HS6ST1: variants seen among roughly 807,000 people sequenced by gnomAD.
The protein encoded by HS6ST1 is heparan sulfate 6-O-sulfotransferase 1, also known as heparan-sulfate 6-O-sulfotransferase 1.
In HS6ST1, 3 loss-of-function variants were observed where a neutral mutation model predicts 25.2. That is an observed-to-expected ratio of 0.12 (90% confidence interval 0.05 to 0.31). The LOEUF (loss-of-function observed/expected upper bound fraction) is 0.31. Ranked by LOEUF, HS6ST1 falls within the 10% of genes least tolerant of loss-of-function variation. The probability of loss-of-function intolerance (pLI) is 1.00; values close to 1 mark genes in which losing one functional copy is unlikely to be tolerated. For missense variants in HS6ST1, 310 were observed against 609.6 expected (o/e 0.51, Z 5.18); for synonymous variants, 204 against 275.1 (o/e 0.74, Z 2.56).
rs115523479 is a variant in HS6ST1 at position 128,277,794 on chromosome 2, C to T, written c.528-8924G>A. On this transcript the variant is annotated intron_variant, in intron 1 of 1. Transcript: ENST00000259241. Reference sequence around the variant, plus strand: ...ATGAAGCATGAAACATCAAAGAACTCGAAATGCGCTATGAAATAATTCTAG... The same window carrying T: ...ATGAAGCATGAAACATCAAAGAACTTGAAATGCGCTATGAAATAATTCTAG... Among the ~76,000 whole-genome samples, 764 of 152,360 alleles carry T rather than the reference C, an allele frequency of 5.0e-3. 8 individuals carry two copies. The highest frequency in any genetic ancestry group is 0.017 in the African/African-American group (693 of 41,582).
intron 1 of HS6ST1, among the ~76,000 whole-genome samples, chr2:128,284,400 C>T (rs968441550): frequency 1.3e-5 from 2 of 152,130 alleles, no homozygotes; most frequent in Non-Finnish European, 2.9e-5. Flanking sequence ...TCCCACATTA[C>T]ACCCATGGGC....
chr2:128,293,890 C>T (rs993234617), intron 1 of HS6ST1, among the ~76,000 whole-genome samples: 10 of 152,210 alleles, frequency 6.6e-5, no homozygotes, highest in Non-Finnish European at 1.3e-4. Flanking sequence ...TGTGGAATGG[C>T]CATGCTGAGC....
intron 1 of HS6ST1, among the ~76,000 whole-genome samples, chr2:128,284,076 C>T (rs1476469720): frequency 6.6e-6 from 1 of 151,678 alleles, no homozygotes; most frequent in African/African-American, 2.4e-5. Context: ...CCTCACCCCA[C>T]TTCCAGGGCC....
Position 128,267,866 on chromosome 2 carries a change from C to A in HS6ST1, c.*296G>T. ...CAAACCTTCAGTTTTTGCGATAAAT[C>A]CAAGGAGGCCAGGAGAGCAGCTCCA... is the stretch of plus-strand genomic sequence containing the variant. On this transcript the variant is annotated 3_prime_UTR_variant, in exon 2 of 2. Transcript: ENST00000259241. 1 of 553,786 alleles carries A rather than the reference C, an allele frequency of 1.8e-6. No homozygotes were observed. The allele number at this position is 553,786 out of a possible 1,614,324, so 34.3% of individuals were successfully genotyped here.
chr2:128,288,380 C>A (rs989885562), intron 1 of HS6ST1, among the ~76,000 whole-genome samples: 1 of 152,198 alleles, frequency 6.6e-6, no homozygotes, highest in Non-Finnish European at 1.5e-5. Context: ...GTGCTCAGGG[C>A]CCTGAGGCCA....
At chr2:128,272,527 G>A (rs773510435) in intron 1 of HS6ST1, among the ~76,000 whole-genome samples, 50 of 152,136 alleles carry the variant, frequency 3.3e-4, no homozygotes, top group Non-Finnish European at 6.0e-4. Flanking sequence ...CGTGTCCGAC[G>A]GCAGCATCCT....
At position 128,284,504 on chromosome 2, in the gene HS6ST1, C is replaced by CTTTTTTTTTTTTCTT. The variant is rs1227327752; in HGVS notation, c.528-15635_528-15634insAAGAAAAAAAAAAAA. Among the ~76,000 whole-genome samples, 5 of 94,880 alleles carry CTTTTTTTTTTTTCTT rather than the reference C, an allele frequency of 5.3e-5. 1 individual carries two copies. The highest frequency in any genetic ancestry group is 1.1e-4 in the Non-Finnish European group (5 of 47,180). The allele number at this position is 94,880 out of a possible 152,430, so 62.2% of individuals were successfully genotyped here. ...ATACTGTGGAGGTGACATCGTCCCT[C>CTTTTTTTTTTTTCTT]TTTTTTTTTTTTTTTGAGACGGAGT... is the stretch of plus-strand genomic sequence containing the variant. On this transcript the variant is annotated intron_variant, in intron 1 of 1. Coordinates refer to ENST00000259241, the MANE Select transcript of HS6ST1 (RefSeq NM_004807.3).
chr2:128,310,346 G>T (rs1234608270), intron 1 of HS6ST1, among the ~76,000 whole-genome samples: 1 of 152,208 alleles, frequency 6.6e-6, no homozygotes, highest in East Asian at 1.9e-4. Flanking sequence ...CAGACCACAC[G>T]CTGTGTGAGT....
intron 1 of HS6ST1, among the ~76,000 whole-genome samples, chr2:128,275,293 G>A (rs1414543198): frequency 1.3e-5 from 2 of 152,228 alleles, no homozygotes; most frequent in African/African-American, 4.8e-5. Context: ...GTATGTGGGT[G>A]ATGGGTGGGG....
intron 1 of HS6ST1, among the ~76,000 whole-genome samples, chr2:128,308,136 G>A (rs1558880686): frequency 6.6e-6 from 1 of 152,202 alleles, no homozygotes; most frequent in Non-Finnish European, 1.5e-5. Context: ...TACAGCGAAA[G>A]CATAAACACA....
chr2:128,292,388 C>A (rs192757675), intron 1 of HS6ST1, among the ~76,000 whole-genome samples: 32 of 152,352 alleles, frequency 2.1e-4, no homozygotes, highest in African/African-American at 7.7e-4. Context: ...CCACCCAACA[C>A]CTTCTCAGGG....
intron 1 of HS6ST1, among the ~76,000 whole-genome samples, chr2:128,314,798 CCCAGATGCCACACTTGGGCT>C (rs1181461799): frequency 6.6e-6 from 1 of 152,206 alleles, no homozygotes; most frequent in African/African-American, 2.4e-5. Context: ...GCCAAGGTGG[CCCAGATGCCACACTTGGGCT>C]CCAGATGCCC....
intron 1 of HS6ST1, among the ~76,000 whole-genome samples, chr2:128,271,140 G>A (rs1045675073): frequency 3.3e-5 from 5 of 152,254 alleles, no homozygotes; most frequent in African/African-American, 4.8e-5. Flanking sequence ...TGTGCTAGCT[G>A]ACTGGAAGAC....
chr2:128,301,477 G>A (rs754481531), intron 1 of HS6ST1, among the ~76,000 whole-genome samples: 5 of 152,198 alleles, frequency 3.3e-5, no homozygotes, highest in South Asian at 4.1e-4. Flanking sequence ...TGGAAGAGCA[G>A]CCCAGCTCAG....
At chr2:128,290,698 G>A (rs563166478) in intron 1 of HS6ST1, among the ~76,000 whole-genome samples, 7 of 152,138 alleles carry the variant, frequency 4.6e-5, no homozygotes, top group East Asian at 1.9e-4. Flanking sequence ...TTGGCCAGGC[G>A]TGGTAGCTCA....
chr2:128,287,128 C>T (rs1377671748), intron 1 of HS6ST1, among the ~76,000 whole-genome samples: 1 of 152,178 alleles, frequency 6.6e-6, no homozygotes, highest in Non-Finnish European at 1.5e-5. Context: ...TGGACACACA[C>T]TGTGGGGTGC....
chr2:128,314,693 G>T (rs1325133591), intron 1 of HS6ST1, among the ~76,000 whole-genome samples: 3 of 152,186 alleles, frequency 2.0e-5, no homozygotes, highest in Non-Finnish European at 4.4e-5. Flanking sequence ...GGAAGCACTG[G>T]TCTCTGCAGG....
intron 1 of HS6ST1, among the ~76,000 whole-genome samples, chr2:128,280,884 GGCAGAGCCT>G (rs199907874): frequency 0.014 from 2,115 of 152,354 alleles, 48 homozygotes; most frequent in African/African-American, 0.049. Context: ...ACACAGGGCA[GGCAGAGCCT>G]GCAGCTGATG....
intron 1 of HS6ST1, among the ~76,000 whole-genome samples, chr2:128,301,010 G>A (rs930532895): frequency 1.2e-4 from 19 of 152,248 alleles, no homozygotes; most frequent in South Asian, 2.1e-4. Flanking sequence ...GGAGCCCTGG[G>A]TCACAAAGTT....
Sources: gnomAD v4.1 joint callset for allele counts (sites outside exome capture counted in the v4.1 genomes callset) on GRCh38, gnomAD v4.1.1 for gene constraint, MANE v1.5 for transcripts, NCBI Gene and HGNC (gene_info 2026-07-23, HGNC 2026-07-21) for gene names.